Variants in FBXO25 observed in about 807,000 individuals in gnomAD.
FBXO25 encodes F-box only protein 25.
A neutral mutation model predicts 51.9 loss-of-function variants in FBXO25; 45 were observed. That is an observed-to-expected ratio of 0.87 (90% CI 0.68 to 1.11). The LOEUF (loss-of-function observed/expected upper bound fraction) is 1.11, where lower values mean the gene tolerates loss of function less well. Ranked by LOEUF, FBXO25 falls within the 50% of genes most tolerant of loss-of-function variation. The pLI is 0.00. For missense variants in FBXO25, 507 were observed against 428.5 expected, an observed-to-expected ratio of 1.18 and a Z score of -1.62; for synonymous variants, 199 against 151.0, an observed-to-expected ratio of 1.32 and a Z score of -2.33.
intron 1 of FBXO25, chr8:407,367 G>A: frequency 1.0e-6 from 1 of 982,106 alleles, no homozygotes; most frequent in Non-Finnish European, 1.2e-6. Flanking sequence ...GCTGAAGTCT[G>A]GGTCCGCGGG....
chr8:459,087 C>T (rs1799641257), intron 8 of FBXO25, among the ~76,000 whole-genome samples: 1 of 152,184 alleles, frequency 6.6e-6, no homozygotes, highest in Non-Finnish European at 1.5e-5. Flanking sequence ...CTGCTTATTC[C>T]TCATCCACGA....
intron 1 of FBXO25, among the ~76,000 whole-genome samples, chr8:409,978 C>T (rs573413200): frequency 6.6e-6 from 1 of 152,220 alleles, no homozygotes; most frequent in Non-Finnish European, 1.5e-5. Flanking sequence ...TTTTCTCAAA[C>T]TGTGGCACAC....
At chr8:431,728 G>C (rs1430695656) in intron 3 of FBXO25, among the ~76,000 whole-genome samples, 1 of 152,188 alleles carries the variant, frequency 6.6e-6, no homozygotes, top group African/African-American at 2.4e-5. Context: ...TGAGCAGTGA[G>C]GCCAAACTGA....
chr8:442,163 A>G (rs923383983), intron 5 of FBXO25, among the ~76,000 whole-genome samples: 4 of 152,170 alleles, frequency 2.6e-5, no homozygotes, highest in Admixed American at 2.0e-4. Context: ...TAATTTATTC[A>G]GTAGGCCCTG....
intron 8 of FBXO25, among the ~76,000 whole-genome samples, chr8:459,889 G>GAAAAA (rs1799696247): frequency 1.3e-5 from 2 of 152,190 alleles, no homozygotes; most frequent in South Asian, 4.1e-4. Flanking sequence ...ACAAAGAAAA[G>GAAAAA]CCTGTGAGAT....
chr8:423,433 A>C (rs1797278100), intron 2 of FBXO25, among the ~76,000 whole-genome samples: 1 of 151,936 alleles, frequency 6.6e-6, no homozygotes, highest in African/African-American at 2.4e-5. Flanking sequence ...AGTTTTTTTT[A>C]ACCCACCCCC....
At chr8:407,346 C>G (rs1386852679) in intron 1 of FBXO25, 2 of 966,170 alleles carry the variant, frequency 2.1e-6, no homozygotes, top group African/African-American at 1.9e-5. Flanking sequence ...GGGATTGCCG[C>G]GTGCGCGTCT....
At chr8:434,996 C>T (rs1215116344) in intron 4 of FBXO25, among the ~76,000 whole-genome samples, 1 of 152,188 alleles carries the variant, frequency 6.6e-6, no homozygotes, top group Non-Finnish European at 1.5e-5. Context: ...ACATCCAGCA[C>T]TTGCCTTCAG....
chr8:431,763 A>C (rs1797833210), intron 3 of FBXO25, among the ~76,000 whole-genome samples: 1 of 152,202 alleles, frequency 6.6e-6, no homozygotes, highest in Admixed American at 6.5e-5. Context: ...TGAGTTTTGA[A>C]GTCACTGAAG....
intron 2 of FBXO25, among the ~76,000 whole-genome samples, chr8:423,991 A>G (rs906299979): frequency 2.6e-5 from 4 of 152,088 alleles, no homozygotes; most frequent in Admixed American, 6.6e-5. Context: ...CATTCTGACT[A>G]GTGTCAGATG....
chr8:435,566 A>T, intron 4 of FBXO25, 49 bp from the exon 5 acceptor site: 2 of 1,583,272 alleles, frequency 1.3e-6, no homozygotes, highest in Non-Finnish European at 1.7e-6. Flanking sequence ...TTAACTGCCA[A>T]TTCTTTTTGG....
At chr8:447,052 G>C (rs1473823765) in intron 5 of FBXO25, among the ~76,000 whole-genome samples, 2 of 152,160 alleles carry the variant, frequency 1.3e-5, no homozygotes, top group Non-Finnish European at 2.9e-5. Context: ...GAGCAGAAGG[G>C]CTTAGGCTAA....
intron 8 of FBXO25, among the ~76,000 whole-genome samples, chr8:460,094 A>G (rs1799711168): frequency 4.6e-5 from 7 of 152,226 alleles, no homozygotes; most frequent in Admixed American, 4.6e-4. Flanking sequence ...AGGTAAATGA[A>G]GGTTGCCTGG....
At chr8:465,305 C>G (rs1160372637) in intron 9 of FBXO25, among the ~76,000 whole-genome samples, 1 of 152,174 alleles carries the variant, frequency 6.6e-6, no homozygotes, top group South Asian at 2.1e-4. Context: ...GGACACAATA[C>G]TGTAGTTTCT....
chr8:441,631 T>A (rs903850565), intron 5 of FBXO25, among the ~76,000 whole-genome samples: 1 of 152,164 alleles, frequency 6.6e-6, no homozygotes, highest in Non-Finnish European at 1.5e-5. Flanking sequence ...GACAAAGGGC[T>A]AACATCCAGA....
Position 451,251 on chromosome 8 carries a change from T to A in FBXO25, c.476-18T>A, listed in dbSNP as rs368217727. ...GCTTAACTGTATCAATCCATAGTTT[T>A]ATTTTTATTTATTCCAGTTCTTGAT... On this transcript the variant is annotated intron_variant, in intron 6 of 9. Transcript: ENST00000350302. 4 of 1,578,846 alleles carry A rather than the reference T, an allele frequency of 2.5e-6. No homozygotes were observed. In the African/African-American group the frequency reaches 5.5e-5, roughly 22 times the overall value.
At chr8:441,102 C>T (rs913189007) in intron 5 of FBXO25, among the ~76,000 whole-genome samples, 7 of 150,290 alleles carry the variant, frequency 4.7e-5, no homozygotes, top group African/African-American at 1.7e-4. Flanking sequence ...ATCATACTAC[C>T]TGACTTCAGA....
intron 2 of FBXO25, among the ~76,000 whole-genome samples, chr8:419,226 G>A (rs537457458): frequency 4.6e-5 from 7 of 151,934 alleles, no homozygotes; most frequent in Admixed American, 2.6e-4. Flanking sequence ...AAAATTAGCC[G>A]AGCGTGGTGA....
In FBXO25 at chr8:463,105, A is replaced by G; in HGVS notation, c.942A>G (p.Gly314=). 3 of 1,613,840 alleles carry G rather than the reference A, an allele frequency of 1.9e-6. No homozygotes were observed. The highest frequency in any genetic ancestry group is 2.2e-5 in the East Asian group (1 of 44,872). ...ATTACCCAGCGAAGGAGCAGTACGG[A>G]GACACACTGCATTTCTGTCGGCACT... is the stretch of plus-strand genomic sequence containing the variant. ...QKHYPAKEQY[G]DTLHFCRHCS... The change falls in exon 9 of 10, where the codon GGA becomes GGG. Residue 314 remains glycine (G), a synonymous_variant. Transcript: ENST00000350302.
Sources: gnomAD v4.1 joint callset for allele counts (sites outside exome capture counted in the v4.1 genomes callset) on GRCh38, gnomAD v4.1.1 for gene constraint, MANE v1.5 for transcripts, NCBI Gene and HGNC (gene_info 2026-07-23, HGNC 2026-07-21) for gene names.